MTRES1: variants seen among roughly 807,000 people sequenced by gnomAD.
The protein encoded by MTRES1 is uncharacterized protein C6orf203.
MTRES1 carries 11 observed loss-of-function variants against 17.4 expected under a neutral mutation model. That is an observed-to-expected ratio of 0.63 (90% CI 0.40 to 1.05). The LOEUF (loss-of-function observed/expected upper bound fraction) is 1.05. Ranked by LOEUF, MTRES1 falls within the 50% of genes least tolerant of loss-of-function variation. The pLI, the probability that MTRES1 is intolerant of heterozygous loss-of-function variation, is 0.00. For synonymous variants in MTRES1, 94 were observed against 99.6 expected, an observed-to-expected ratio of 0.94 and a Z score of 0.34; for missense variants, 268 against 276.2, an observed-to-expected ratio of 0.97 and a Z score of 0.21.
chr6:107,029,476 C>T (rs564655521), intron 1 of MTRES1, among the ~76,000 whole-genome samples: 11 of 151,200 alleles, frequency 7.3e-5, no homozygotes, highest in Admixed American at 6.6e-5. Context: ...CGTGAGCCAC[C>T]GCGCCCGGCC....
intron 3 of MTRES1, among the ~76,000 whole-genome samples, chr6:107,046,933 TGTG>T (rs1562285339): frequency 0.15 from 22,343 of 146,726 alleles, 2,215 homozygotes; most frequent in Middle Eastern, 0.27. Flanking sequence ...TTCATTCTTG[TGTG>T]TGTGTGTGTG....
At chr6:107,033,801 G>C (rs532046581) in intron 1 of MTRES1, among the ~76,000 whole-genome samples, 1 of 152,194 alleles carries the variant, frequency 6.6e-6, no homozygotes, top group East Asian at 1.9e-4. Context: ...CTGGGCGACA[G>C]AACAAGACTC....
At chr6:107,046,068 G>A (rs1356541357) in intron 3 of MTRES1, among the ~76,000 whole-genome samples, 1 of 152,202 alleles carries the variant, frequency 6.6e-6, no homozygotes, top group Non-Finnish European at 1.5e-5. Flanking sequence ...CAAGTCCCAG[G>A]GCCCTGGTGA....
intron 1 of MTRES1, among the ~76,000 whole-genome samples, chr6:107,036,075 TG>T (rs1255626909): frequency 6.6e-6 from 1 of 152,144 alleles, no homozygotes; most frequent in South Asian, 2.1e-4. Flanking sequence ...TTATGACTTT[TG>T]GGGGGGCATC....
At chr6:107,041,141 TGG>T (rs1774197436) in intron 2 of MTRES1, among the ~76,000 whole-genome samples, 3 of 143,618 alleles carry the variant, frequency 2.1e-5, no homozygotes, top group South Asian at 2.2e-4. Context: ...AGGAGAATGG[TGG>T]GAACCCGGGA....
At chr6:107,040,294 C>T (rs1437842017) in intron 2 of MTRES1, 64 bp downstream of exon 2, 2 of 1,419,872 alleles carry the variant, frequency 1.4e-6, no homozygotes, top group Non-Finnish European at 1.9e-6. Context: ...TATAGCATTA[C>T]AAATCACTTG....
intron 3 of MTRES1, among the ~76,000 whole-genome samples, chr6:107,050,720 G>A (rs1004088670): frequency 6.6e-6 from 1 of 151,954 alleles, no homozygotes; most frequent in East Asian, 1.9e-4. Context: ...GGGATCACAG[G>A]CACCCACCAC....
chr6:107,050,795 T>G (rs1465619778), intron 3 of MTRES1, among the ~76,000 whole-genome samples: 1 of 152,110 alleles, frequency 6.6e-6, no homozygotes, highest in African/African-American at 2.4e-5. Flanking sequence ...CAGGCTGGTC[T>G]CGAACTCCTG....
chr6:107,036,347 G>A lies in MTRES1; in HGVS notation c.-12-3402G>A, dbSNP rs549358848. On this transcript the variant is annotated intron_variant, in intron 1 of 3. Coordinates refer to ENST00000311381, the MANE Select transcript of MTRES1 (RefSeq NM_016487.5). Reference sequence around the variant, plus strand: ...TCACCTGAGGTCAGGAGTTCCAGACGAGCCTGACCAATATGGAGAAACCCC... The same window carrying A: ...TCACCTGAGGTCAGGAGTTCCAGACAAGCCTGACCAATATGGAGAAACCCC... Among the ~76,000 whole-genome samples, 9 of 151,794 alleles carry A rather than the reference G, an allele frequency of 5.9e-5. No homozygotes were observed. The South Asian group carries it at 1.3e-3, about 21-fold the overall frequency.
chr6:107,030,699 T>A (rs1352447869), intron 1 of MTRES1, among the ~76,000 whole-genome samples: 4 of 152,156 alleles, frequency 2.6e-5, no homozygotes, highest in African/African-American at 9.7e-5. Context: ...AAGCAGGTGT[T>A]TAGAATCACA....
chr6:107,037,366 G>A (rs1285241125), intron 1 of MTRES1, among the ~76,000 whole-genome samples: 1 of 151,774 alleles, frequency 6.6e-6, no homozygotes, highest in African/African-American at 2.4e-5. Flanking sequence ...CACCATGCCT[G>A]GCTCCAGCTA....
intron 3 of MTRES1, among the ~76,000 whole-genome samples, chr6:107,046,478 G>A (rs1194291801): frequency 5.9e-5 from 9 of 152,114 alleles, no homozygotes; most frequent in Admixed American, 2.6e-4. Context: ...ACGCTCAGCT[G>A]TCTTGTTACT....
chr6:107,029,530 C>G (rs1465127021), intron 1 of MTRES1, among the ~76,000 whole-genome samples: 1 of 146,982 alleles, frequency 6.8e-6, no homozygotes, highest in Admixed American at 6.9e-5. Flanking sequence ...GTCGCCGAGG[C>G]TAGAATGCAC....
intron 2 of MTRES1, among the ~76,000 whole-genome samples, chr6:107,043,781 A>G (rs1163402302): frequency 2.6e-5 from 4 of 152,204 alleles, no homozygotes; most frequent in Admixed American, 1.3e-4. Flanking sequence ...CCAAGGGTCA[A>G]CTGCAATTGT....
At chr6:107,038,538 T>G (rs1330199513) in intron 1 of MTRES1, among the ~76,000 whole-genome samples, 1 of 152,184 alleles carries the variant, frequency 6.6e-6, no homozygotes, top group Non-Finnish European at 1.5e-5. Flanking sequence ...AGTTAATGCC[T>G]CTGTTAAACA....
intron 1 of MTRES1, among the ~76,000 whole-genome samples, chr6:107,036,843 C>G (rs1378238104): frequency 1.0e-5 from 1 of 96,516 alleles, no homozygotes; most frequent in Non-Finnish European, 2.0e-5. Context: ...GAGTGAGACT[C>G]CGTCTCAAAA....
intron 3 of MTRES1, among the ~76,000 whole-genome samples, chr6:107,050,464 G>C (rs1554229024): frequency 6.6e-6 from 1 of 150,980 alleles, no homozygotes; most frequent in Non-Finnish European, 1.5e-5. Context: ...TCTGCGCAGG[G>C]ACTATCCACA....
intron 1 of MTRES1, among the ~76,000 whole-genome samples, chr6:107,036,231 A>G (rs1554226920): frequency 6.6e-6 from 1 of 152,148 alleles, no homozygotes; most frequent in African/African-American, 2.4e-5. Context: ...TTATAATGCA[A>G]AATTTATTCA....
chr6:107,044,137 A>C, intron 2 of MTRES1, 123 bp from the exon 3 acceptor site: 1 of 663,076 alleles, frequency 1.5e-6, no homozygotes, highest in Non-Finnish European at 2.5e-6. Flanking sequence ...ACAAACAAAA[A>C]AAATAGATTT....
Sources: gnomAD v4.1 joint callset for allele counts (sites outside exome capture counted in the v4.1 genomes callset) on GRCh38, gnomAD v4.1.1 for gene constraint, MANE v1.5 for transcripts, NCBI Gene and HGNC (gene_info 2026-07-23, HGNC 2026-07-21) for gene names.